PCNX2: variants seen among roughly 807,000 people sequenced by gnomAD.
The protein encoded by PCNX2 is pecanex 2, also known as pecanex-like protein 2.
A neutral mutation model predicts 223.8 loss-of-function variants in PCNX2; 168 were observed. The ratio of observed to expected loss-of-function variants is 0.75; its 90% CI spans 0.66 to 0.85. The LOEUF is 0.85. PCNX2 is among the 40% of genes least tolerant of loss of function. PCNX2 has a pLI of 0.00. For synonymous variants in PCNX2, 1,006 were observed against 1,052.6 expected, an observed-to-expected ratio of 0.96 and a Z score of 0.86; for missense variants, 2,507 against 2,675.5, an observed-to-expected ratio of 0.94 and a Z score of 1.39.
chr1:233,045,240 G>A (rs147490122), intron 25 of PCNX2, among the ~76,000 whole-genome samples: 3,644 of 152,270 alleles, frequency 0.024, 56 homozygotes, highest in Middle Eastern at 0.041. Context: ...AATGTACAAG[G>A]AAATGATGTA....
the PCNX2 span, among the ~76,000 whole-genome samples, chr1:233,304,423 G>C: frequency 6.6e-6 from 1 of 152,136 alleles, no homozygotes; most frequent in East Asian, 1.9e-4. Flanking sequence ...ATGTTAATGA[G>C]GAAATGCCTA....
intron 25 of PCNX2, among the ~76,000 whole-genome samples, chr1:233,042,970 G>A (rs192300378): frequency 6.6e-6 from 1 of 152,322 alleles, no homozygotes; most frequent in African/African-American, 2.4e-5. Flanking sequence ...AGACAGCCAT[G>A]CGGGTTTGAC....
intron 21 of PCNX2, among the ~76,000 whole-genome samples, chr1:233,127,260 G>T (rs1311487044): frequency 6.6e-6 from 1 of 152,036 alleles, no homozygotes; most frequent in Non-Finnish European, 1.5e-5. Flanking sequence ...ACATCTCCAG[G>T]TTCATCTCTC....
intron 22 of PCNX2, among the ~76,000 whole-genome samples, 175 bp from the exon 23 acceptor site, chr1:233,090,365 C>T (rs1673810653): frequency 1.3e-5 from 2 of 152,122 alleles, no homozygotes; most frequent in South Asian, 4.1e-4. Context: ...TTCAGTAGTA[C>T]CCTGCTAGGT....
At chr1:233,097,701 T>C (rs926165971) in intron 21 of PCNX2, among the ~76,000 whole-genome samples, 4 of 152,180 alleles carry the variant, frequency 2.6e-5, no homozygotes, top group African/African-American at 7.2e-5. Flanking sequence ...ACATAAAATA[T>C]AGTCATTTCC....
chr1:233,211,058 G>T (rs2102916005), intron 12 of PCNX2, among the ~76,000 whole-genome samples: 1 of 152,348 alleles, frequency 6.6e-6, no homozygotes, highest in Admixed American at 6.5e-5. Flanking sequence ...CTTAGAGACA[G>T]TGGAATGGTC....
At chr1:233,256,465 A>G (rs577256450) in intron 5 of PCNX2, among the ~76,000 whole-genome samples, 119 of 152,254 alleles carry the variant, frequency 7.8e-4, no homozygotes, top group Non-Finnish European at 9.7e-4. Context: ...TGCTCTATCC[A>G]CTGGACACAC....
At chr1:233,271,207 G>A (rs573803762) in intron 1 of PCNX2, among the ~76,000 whole-genome samples, 125 of 151,988 alleles carry the variant, frequency 8.2e-4, no homozygotes, top group African/African-American at 2.9e-3. Context: ...AGGTTGTGTT[G>A]GAAATCCATG....
At chr1:233,159,277 A>G (rs1388704984) in intron 19 of PCNX2, among the ~76,000 whole-genome samples, 1 of 152,158 alleles carries the variant, frequency 6.6e-6, no homozygotes, top group Non-Finnish European at 1.5e-5. Context: ...TCCTTATGGA[A>G]GCACTCTCTA....
intron 8 of PCNX2, chr1:233,241,128 T>C (rs1658736001): frequency 1.0e-6 from 1 of 961,210 alleles, no homozygotes; most frequent in Non-Finnish European, 1.2e-6. Context: ...CTGAAAACCA[T>C]AACCTGTTAT....
rs1036089416 is a variant in PCNX2 at position 233,054,598 on chromosome 1, T to C, written c.4136-115A>G. 2.0e-5 allele frequency: 16 copies of C among 805,018 alleles called. No homozygotes were observed. In the Admixed American group the frequency reaches 4.1e-4, roughly 20 times the overall value. The allele number at this position is 805,018 out of a possible 1,614,324, so 49.9% of individuals were successfully genotyped here. A position where few individuals can be genotyped will look rare whatever the true frequency, so the allele number is the denominator to read the frequency against. On this transcript the variant is annotated intron_variant, in intron 24 of 33. Coordinates refer to ENST00000258229, the MANE Select transcript of PCNX2 (RefSeq NM_014801.4). Reference sequence around the variant, plus strand: ...GGTAAAATCAGACTCTTTATATACATAAAAGAGGAAAGATGTGTTCTTCCC... The same window carrying C: ...GGTAAAATCAGACTCTTTATATACACAAAAGAGGAAAGATGTGTTCTTCCC...
At chr1:233,037,623 C>A (rs1453616042) in intron 25 of PCNX2, among the ~76,000 whole-genome samples, 1 of 152,092 alleles carries the variant, frequency 6.6e-6, no homozygotes, top group Non-Finnish European at 1.5e-5. Context: ...CCATGCCTGG[C>A]CTTGTGTGTC....
intron 13 of PCNX2, among the ~76,000 whole-genome samples, chr1:233,205,790 A>G (rs1399602783): frequency 1.3e-5 from 2 of 152,224 alleles, no homozygotes; most frequent in Admixed American, 1.3e-4. Context: ...TCTAAATGCC[A>G]GACACTGCTA....
At chr1:233,249,402 T>C (rs1486599875) in intron 8 of PCNX2, among the ~76,000 whole-genome samples, 1 of 152,244 alleles carries the variant, frequency 6.6e-6, no homozygotes, top group Non-Finnish European at 1.5e-5. Flanking sequence ...TGCAATTACA[T>C]ATTTTGTCTG....
At chr1:233,119,064 A>G (rs1238819113) in intron 21 of PCNX2, among the ~76,000 whole-genome samples, 1 of 152,188 alleles carries the variant, frequency 6.6e-6, no homozygotes, top group African/African-American at 2.4e-5. Flanking sequence ...AAACATGAGC[A>G]ACTGATTTTG....
intron 8 of PCNX2, among the ~76,000 whole-genome samples, chr1:233,239,747 G>C (rs1039201970): frequency 1.3e-5 from 2 of 152,092 alleles, no homozygotes; most frequent in African/African-American, 4.8e-5. Context: ...TCCTTTTGTT[G>C]ATATAGGATT....
At chr1:233,178,794 C>T (rs149830360) in intron 16 of PCNX2, among the ~76,000 whole-genome samples, 16 of 152,272 alleles carry the variant, frequency 1.1e-4, no homozygotes, top group African/African-American at 3.9e-4. Flanking sequence ...TGGGTGCTAT[C>T]GACCCTCTGT....
intron 15 of PCNX2, among the ~76,000 whole-genome samples, chr1:233,194,423 A>C (rs1680600026): frequency 6.6e-6 from 1 of 152,074 alleles, no homozygotes; most frequent in South Asian, 2.1e-4. Context: ...ATATGATGGC[A>C]AGCAGAAAGA....
At chr1:233,130,618 G>T (rs1040300641) in intron 21 of PCNX2, among the ~76,000 whole-genome samples, 1 of 151,968 alleles carries the variant, frequency 6.6e-6, no homozygotes, top group Non-Finnish European at 1.5e-5. Context: ...CTGAGTAGCT[G>T]GGAGTACAGG....
Sources: allele counts gnomAD v4.1 joint callset (sites outside exome capture counted in the v4.1 genomes callset), GRCh38; gene constraint gnomAD v4.1.1; transcripts MANE v1.5; gene names NCBI Gene and HGNC (gene_info 2026-07-23, HGNC 2026-07-21).